Variants in METTL25 observed in about 807,000 individuals in gnomAD.
METTL25 encodes probable methyltransferase-like protein 25.
Under a neutral mutation model 71.6 loss-of-function variants are expected in METTL25, and 64 were observed. That is an observed-to-expected ratio of 0.89 (90% CI 0.73 to 1.10). METTL25 has a LOEUF of 1.10. Ranked by LOEUF, METTL25 falls within the 50% of genes least tolerant of loss-of-function variation. METTL25 has a pLI of 0.00. For missense variants in METTL25, 807 were observed against 707.0 expected (o/e 1.14, Z -1.60); for synonymous variants, 287 against 250.3 (o/e 1.15, Z -1.38).
At position 82,438,718 on chromosome 12, in the gene METTL25, C is replaced by G; in HGVS notation, c.1405C>G (p.Leu469Val). 6.8e-7 allele frequency: 1 copy of G among 1,462,250 alleles called. No individual in the cohort carries two copies. The allele number at this position is 1,462,250 out of a possible 1,614,324, so 90.6% of individuals were successfully genotyped here. The change falls in exon 8 of 12, where the codon CTG becomes GTG. Residue 469 changes from leucine to valine, a missense_variant and splice_region_variant. Leu to Val is a conservative substitution (Grantham distance 32). Transcript: ENST00000248306. The stretch of plus-strand genomic sequence containing the variant: ...TTATATATGTCTACATTTTTTTCAG[C>G]TGCCTACTGAATCACTCTTCTATCG... ...ALERVAAGQG[L>V]PTESLFYRAV...
intron 8 of METTL25, among the ~76,000 whole-genome samples, chr12:82,440,202 A>G (rs907576230): frequency 6.6e-6 from 1 of 151,860 alleles, no homozygotes; most frequent in Non-Finnish European, 1.5e-5. Context: ...CCATTCTTTA[A>G]TGTTTTATAT....
At chr12:82,418,195 T>G (rs1888153751) in intron 5 of METTL25, among the ~76,000 whole-genome samples, 1 of 152,144 alleles carries the variant, frequency 6.6e-6, no homozygotes, top group African/African-American at 2.4e-5. Flanking sequence ...GCTTTTGAAC[T>G]AAAATAATGG....
At chr12:82,396,409 TTTTGAGGA>T (rs1427021321) in intron 3 of METTL25, among the ~76,000 whole-genome samples, 1 of 152,020 alleles carries the variant, frequency 6.6e-6, no homozygotes, top group African/African-American at 2.4e-5. Context: ...CCTTGAAACG[TTTTGAGGA>T]TTTAATTACG....
intron 8 of METTL25, among the ~76,000 whole-genome samples, chr12:82,449,121 A>G (rs944109350): frequency 6.6e-6 from 1 of 152,210 alleles, no homozygotes; most frequent in African/African-American, 2.4e-5. Flanking sequence ...AATTAGATCC[A>G]GTGCATTCAC....
chr12:82,364,834 T>A (rs76973105), intron 1 of METTL25, among the ~76,000 whole-genome samples: 6,838 of 152,226 alleles, frequency 0.045, 216 homozygotes, highest in Non-Finnish European at 0.065. Context: ...ACAAATATAT[T>A]TTTTGCCATA....
intron 5 of METTL25, among the ~76,000 whole-genome samples, chr12:82,406,463 T>C (rs1268547164): frequency 6.6e-6 from 1 of 152,184 alleles, no homozygotes; most frequent in Non-Finnish European, 1.5e-5. Context: ...CCACATAATA[T>C]ATTTTTTATA....
chr12:82,370,162 T>C (rs1040194961), intron 1 of METTL25, among the ~76,000 whole-genome samples: 8 of 152,218 alleles, frequency 5.3e-5, no homozygotes, highest in Admixed American at 6.5e-5. Flanking sequence ...GTGTCCTCCA[T>C]AGGGGAACTC....
intron 5 of METTL25, among the ~76,000 whole-genome samples, chr12:82,425,977 G>A (rs1042478305): frequency 1.3e-5 from 2 of 151,962 alleles, no homozygotes; most frequent in South Asian, 4.1e-4. Context: ...GTGAGGCTAG[G>A]GGAAAGCAAT....
chr12:82,463,185 C>T (rs868818498), intron 9 of METTL25, among the ~76,000 whole-genome samples: 1 of 152,018 alleles, frequency 6.6e-6, no homozygotes, highest in East Asian at 1.9e-4. Context: ...CTTATCTAGC[C>T]ATAATTTTAT....
chr12:82,366,925 A>C (rs1882639943), intron 1 of METTL25, among the ~76,000 whole-genome samples: 1 of 152,214 alleles, frequency 6.6e-6, no homozygotes, highest in Non-Finnish European at 1.5e-5. Context: ...GCCCCATTCC[A>C]GGGGAACTTC....
intron 5 of METTL25, among the ~76,000 whole-genome samples, chr12:82,403,637 A>T (rs1433840781): frequency 6.6e-6 from 1 of 152,222 alleles, no homozygotes; most frequent in Admixed American, 6.5e-5. Context: ...CATTAAAATA[A>T]TAGTATTCAA....
chr12:82,380,203 T>C lies in METTL25; in HGVS notation c.260-6600T>C, dbSNP rs528183776. 2.0e-4 allele frequency among the ~76,000 whole-genome samples: 31 copies of C among 152,320 alleles called. No individual in the cohort carries two copies. In the South Asian group the frequency reaches 6.0e-3, roughly 30 times the overall value. On this transcript the variant is annotated intron_variant, in intron 1 of 11. Coordinates refer to ENST00000248306, the MANE Select transcript of METTL25 (RefSeq NM_032230.3). ...GTTCTCATCATTTATTTCCCACTTA[T>C]GAGTGAGAACGTTTGGTATTTGCTT... is the stretch of plus-strand genomic sequence containing the variant.
intron 9 of METTL25, among the ~76,000 whole-genome samples, chr12:82,473,039 G>A (rs1165838923): frequency 1.3e-5 from 2 of 151,904 alleles, no homozygotes; most frequent in African/African-American, 4.8e-5. Flanking sequence ...GTGGTCCTAG[G>A]TGGATGCAGT....
intron 5 of METTL25, among the ~76,000 whole-genome samples, chr12:82,404,909 A>T (rs1592665093): frequency 6.6e-6 from 1 of 151,406 alleles, no homozygotes; most frequent in Non-Finnish European, 1.5e-5. Flanking sequence ...GCGCCATTGC[A>T]CTCCAGCATG....
intron 9 of METTL25, among the ~76,000 whole-genome samples, chr12:82,471,083 A>G (rs1892542855): frequency 1.3e-5 from 2 of 152,340 alleles, no homozygotes; most frequent in South Asian, 2.1e-4. Context: ...TGAAGGTCCT[A>G]TGGGAAAATA....
At chr12:82,419,890 C>A in intron 5 of METTL25, among the ~76,000 whole-genome samples, 1 of 152,114 alleles carries the variant, frequency 6.6e-6, no homozygotes, top group Non-Finnish European at 1.5e-5. Context: ...GAAATCGGAT[C>A]TCGAAGAGAT....
chr12:82,377,321 C>T (rs1052199869), intron 1 of METTL25, among the ~76,000 whole-genome samples: 1 of 152,222 alleles, frequency 6.6e-6, no homozygotes, highest in African/African-American at 2.4e-5. Context: ...AATAAGCTTG[C>T]CTTTATTATA....
intron 1 of METTL25, among the ~76,000 whole-genome samples, chr12:82,374,910 C>G (rs1883669456): frequency 6.6e-6 from 1 of 152,072 alleles, no homozygotes; most frequent in Non-Finnish European, 1.5e-5. Context: ...AGGATGTGTG[C>G]TGAGACAAGG....
At chr12:82,385,599 C>T (rs1884914220) in intron 1 of METTL25, among the ~76,000 whole-genome samples, 2 of 152,110 alleles carry the variant, frequency 1.3e-5, no homozygotes, top group Non-Finnish European at 2.9e-5. Flanking sequence ...TTTCTTTTAA[C>T]TCTTTTAAAT....
Sources: allele counts gnomAD v4.1 joint callset (sites outside exome capture counted in the v4.1 genomes callset), GRCh38; gene constraint gnomAD v4.1.1; transcripts MANE v1.5; gene names NCBI Gene and HGNC (gene_info 2026-07-23, HGNC 2026-07-21).